Variants in TTC28 observed in about 807,000 individuals in gnomAD.
TTC28 encodes tetratricopeptide repeat domain 28, also known as tetratricopeptide repeat protein 28.
TTC28 carries 61 observed loss-of-function variants against 198.0 expected under a neutral mutation model. The observed-to-expected ratio is 0.31, with a 90% CI of 0.25 to 0.38. TTC28 has a LOEUF of 0.38. Ranked by LOEUF, TTC28 falls within the 10% of genes least tolerant of loss-of-function variation. TTC28 has a pLI of 1.00. For synonymous variants in TTC28, 1,171 were observed against 1,297.8 expected (o/e 0.90, Z 2.10); for missense variants, 2,678 against 3,164.0 (o/e 0.85, Z 3.69).
chr22:27,978,370 A>G lies in TTC28; in HGVS notation c.*3851T>C, dbSNP rs1310493074. ...AACAGCAGAATAGGTGATGAAAATTATACAGTTTTCACTTGTTGCCTACTT... is the reference window on the plus strand; with the variant it reads ...AACAGCAGAATAGGTGATGAAAATTGTACAGTTTTCACTTGTTGCCTACTT... On this transcript the variant is annotated 3_prime_UTR_variant, in exon 23 of 23. Transcript: ENST00000397906. The G allele has an allele frequency of 1.3e-5, 2 of 152,258 alleles. No homozygotes were observed. The highest frequency in any genetic ancestry group is 2.9e-5 in the Non-Finnish European group (2 of 68,056). 9.4% of individuals were successfully genotyped at this position (152,258 alleles called of 1,614,324 possible).
intron 2 of TTC28, among the ~76,000 whole-genome samples, chr22:28,568,374 C>G (rs2146019156): frequency 6.6e-6 from 1 of 152,172 alleles, no homozygotes; most frequent in South Asian, 2.1e-4. Context: ...AGCAATCAGA[C>G]AAGAGAAAGA....
At chr22:28,268,859 T>A (rs1931853812) in intron 5 of TTC28, among the ~76,000 whole-genome samples, 1 of 152,206 alleles carries the variant, frequency 6.6e-6, no homozygotes, top group African/African-American at 2.4e-5. Context: ...AGTTATTTAA[T>A]TTCTACTTCT....
intron 19 of TTC28, among the ~76,000 whole-genome samples, chr22:27,991,031 CAG>C (rs1315655300): frequency 6.6e-6 from 1 of 152,126 alleles, no homozygotes; most frequent in Non-Finnish European, 1.5e-5. Flanking sequence ...TCCAGGGGCT[CAG>C]GGGCAGCATC....
chr22:28,663,637 G>C (rs1173644514), intron 1 of TTC28, among the ~76,000 whole-genome samples: 5 of 131,186 alleles, frequency 3.8e-5, no homozygotes, highest in Admixed American at 3.1e-4. Flanking sequence ...ACCTGGCTCA[G>C]AGGGTCCTAC....
At chr22:28,002,033 C>T (rs1398506874) in intron 14 of TTC28, 1 of 160,136 alleles carries the variant, frequency 6.2e-6, no homozygotes, top group East Asian at 1.7e-4. Context: ...GTGACCTCCT[C>T]TGAGAAAGAG....
intron 5 of TTC28, among the ~76,000 whole-genome samples, chr22:28,265,002 CTACTT>C (rs1237479068): frequency 6.6e-6 from 1 of 152,070 alleles, no homozygotes; most frequent in African/African-American, 2.4e-5. Context: ...ATATGAGAAT[CTACTT>C]TATACAAGAA....
At chr22:28,147,367 A>G (rs1035053700) in intron 6 of TTC28, among the ~76,000 whole-genome samples, 12 of 152,200 alleles carry the variant, frequency 7.9e-5, no homozygotes, top group African/African-American at 2.7e-4. Context: ...ACCTTGCATT[A>G]GGTCTGTATG....
chr22:28,381,726 C>A (rs948979040), intron 2 of TTC28, among the ~76,000 whole-genome samples: 13 of 152,116 alleles, frequency 8.5e-5, no homozygotes, highest in African/African-American at 3.1e-4. Flanking sequence ...AACTCCAATT[C>A]TCTTAAGGGT....
At chr22:28,378,902 G>A (rs1050369006) in intron 2 of TTC28, among the ~76,000 whole-genome samples, 4 of 152,030 alleles carry the variant, frequency 2.6e-5, no homozygotes, top group African/African-American at 9.7e-5. Context: ...ACCTGAAAAT[G>A]TTCTAGGTTT....
intron 13 of TTC28, 88 bp downstream of exon 13, chr22:28,030,138 G>C: frequency 3.4e-6 from 5 of 1,492,272 alleles, no homozygotes; most frequent in Non-Finnish European, 4.5e-6. Flanking sequence ...AGCCTAACCA[G>C]CTGGAAGGAG....
intron 2 of TTC28, among the ~76,000 whole-genome samples, chr22:28,447,040 C>T (rs189467301): frequency 6.6e-6 from 1 of 152,236 alleles, no homozygotes; most frequent in African/African-American, 2.4e-5. Flanking sequence ...CTGTGCAATG[C>T]CACAGAGCCA....
chr22:28,598,509 CAAAAAA>C (rs36035176), intron 2 of TTC28, among the ~76,000 whole-genome samples: 23 of 52,682 alleles, frequency 4.4e-4, no homozygotes, highest in Admixed American at 3.1e-3. Context: ...ACTACGTCTC[CAAAAAA>C]AAAAAAAAAA....
chr22:28,107,006 C>T, intron 7 of TTC28, 56 bp downstream of exon 7: 1 of 1,487,276 alleles, frequency 6.7e-7, no homozygotes, highest in South Asian at 1.4e-5. Context: ...GCCTTTACTG[C>T]CACAAATGCT....
chr22:28,096,478 G>A (rs1313200765), intron 10 of TTC28, 70 bp from the exon 11 acceptor site: 14 of 1,499,574 alleles, frequency 9.3e-6, no homozygotes, highest in African/African-American at 2.8e-5. Flanking sequence ...TATCAGGGAC[G>A]GCCATCAAAT....
chr22:28,245,161 G>A (rs1929987367), intron 5 of TTC28, among the ~76,000 whole-genome samples: 1 of 152,172 alleles, frequency 6.6e-6, no homozygotes, highest in South Asian at 2.1e-4. Context: ...GTAGGGAACA[G>A]TAGCTTCCCT....
chr22:28,092,454 C>T (rs1017216405), intron 12 of TTC28, among the ~76,000 whole-genome samples: 23 of 152,132 alleles, frequency 1.5e-4, no homozygotes, highest in Admixed American at 1.2e-3. Flanking sequence ...ATGGGATCAG[C>T]CTTTTCAGTG....
intron 6 of TTC28, among the ~76,000 whole-genome samples, chr22:28,145,112 C>A (rs1402330271): frequency 6.6e-6 from 1 of 152,156 alleles, no homozygotes; most frequent in African/African-American, 2.4e-5. Context: ...TTACTTTTAC[C>A]TTACAGGGGA....
intron 2 of TTC28, among the ~76,000 whole-genome samples, chr22:28,392,004 G>A (rs1001972872): frequency 6.6e-6 from 1 of 152,194 alleles, no homozygotes; most frequent in African/African-American, 2.4e-5. Flanking sequence ...TGATGGTGAT[G>A]TACAGATGGG....
chr22:28,297,139 T>C (rs541915023), intron 4 of TTC28, among the ~76,000 whole-genome samples: 3 of 152,276 alleles, frequency 2.0e-5, no homozygotes, highest in East Asian at 1.9e-4. Flanking sequence ...CACCTTGTTA[T>C]ATGAGAAAGC....
Sources: allele counts gnomAD v4.1 joint callset (sites outside exome capture counted in the v4.1 genomes callset), GRCh38; gene constraint gnomAD v4.1.1; transcripts MANE v1.5; gene names NCBI Gene and HGNC (gene_info 2026-07-23, HGNC 2026-07-21).